Variants in DNAH5 observed in about 807,000 individuals in gnomAD.
The protein encoded by DNAH5 is axonemal beta dynein heavy chain 5.
A neutral mutation model predicts 518.2 loss-of-function variants in DNAH5; 372 were observed. The ratio of observed to expected loss-of-function variants is 0.72; its 90% CI spans 0.66 to 0.78. The LOEUF (loss-of-function observed/expected upper bound fraction) is 0.78. Among genes scored for constraint, DNAH5 ranks in the 30% least tolerant of loss-of-function variants. DNAH5 has a pLI of 0.00. For missense variants in DNAH5, 5,523 were observed against 5,687.0 expected (o/e 0.97, Z 0.93); for synonymous variants, 2,039 against 2,025.9 (o/e 1.01, Z -0.17).
rs112042950 is a variant in DNAH5, at chr5:13,961,415, G to A, written c.13-30171C>T. On this transcript the variant is annotated intron_variant, in intron 1 of 78. Transcript: ENST00000681290. The stretch of plus-strand genomic sequence containing the variant: ...TCCCAGCACTTTAGGAGGCTGAGGC[G>A]GGCAGATCGCCTGAGGTTAGGAGTT... 9.9e-3 allele frequency among the ~76,000 whole-genome samples: 1,503 copies of A among 151,898 alleles called. 28 individuals are homozygous for A. The highest frequency in any genetic ancestry group is 0.034 in the African/African-American group (1,409 of 41,496).
At chr5:13,717,617 A>G in intron 72 of DNAH5, 97 bp from the exon 73 acceptor site, 1 of 1,032,000 alleles carries the variant, frequency 9.7e-7, no homozygotes, top group South Asian at 1.4e-5. Context: ...CCCTGATATT[A>G]AAATTCACTT....
intron 34 of DNAH5, among the ~76,000 whole-genome samples, chr5:13,840,697 T>A (rs1371578039): frequency 1.3e-5 from 2 of 152,214 alleles, no homozygotes; most frequent in Non-Finnish European, 2.9e-5. Context: ...TCTAATTGCC[T>A]CAATAACATC....
At chr5:13,866,311 GA>G (rs1270358237) in intron 25 of DNAH5, 29 bp from the exon 26 acceptor site, 1 of 1,593,548 alleles carries the variant, frequency 6.3e-7, no homozygotes, top group Non-Finnish European at 8.6e-7. Context: ...AAGAAAAATA[GA>G]AGGAAGTGTT....
intron 31 of DNAH5, 36 bp from the exon 32 acceptor site, chr5:13,845,029 A>C: frequency 6.2e-7 from 1 of 1,605,558 alleles, no homozygotes; most frequent in Non-Finnish European, 8.5e-7. Flanking sequence ...CTTTATAACC[A>C]CACAAAGCTG....
In DNAH5 at chr5:13,769,094, C is replaced by T; in HGVS notation, c.9763G>A (p.Val3255Ile). ...TTCACCTTCTGTACCTCAGCCTTGA[C>T]CTTTTCAGCAGCCTGTGCTTTCATT... ...VTMKAQAAEK[V>I]KAEVQKVKDR... The change falls in exon 58 of 79, where the codon GTC becomes ATC. Residue 3255 changes from valine to isoleucine, a missense_variant. Coordinates refer to ENST00000265104, the MANE Select transcript of DNAH5 (RefSeq NM_001369.3). 6.2e-7 allele frequency: 1 copy of T among 1,614,178 alleles called. No individual in the cohort carries two copies. Among genetic ancestry groups the T allele is most frequent in the Non-Finnish European group, 8.5e-7 (1 of 1,180,022 alleles).
chr5:13,975,066 G>A (rs1228774403), intron 1 of DNAH5, among the ~76,000 whole-genome samples: 1 of 152,138 alleles, frequency 6.6e-6, no homozygotes, highest in East Asian at 1.9e-4. Flanking sequence ...GATGAACTTG[G>A]GCACTGCATT....
At chr5:13,692,663 T>C (rs1304219712) in intron 78 of DNAH5, among the ~76,000 whole-genome samples, 1 of 152,086 alleles carries the variant, frequency 6.6e-6, no homozygotes, top group African/African-American at 2.4e-5. Context: ...TGTAGAGAAA[T>C]AAAATTGCTG....
At chr5:13,866,318 G>A in intron 25 of DNAH5, 36 bp from the exon 26 acceptor site, 1 of 1,547,434 alleles carries the variant, frequency 6.5e-7, no homozygotes, top group Non-Finnish European at 8.9e-7. Context: ...ATAGAAGGAA[G>A]TGTTTGCATA....
chr5:13,796,271 C>T (rs1757803461), intron 47 of DNAH5, among the ~76,000 whole-genome samples: 1 of 152,180 alleles, frequency 6.6e-6, no homozygotes. Flanking sequence ...TCCCTGTTTG[C>T]AGATGACATG....
At chr5:13,699,736 T>C (rs1372745775) in intron 78 of DNAH5, among the ~76,000 whole-genome samples, 1 of 152,136 alleles carries the variant, frequency 6.6e-6, no homozygotes, top group Non-Finnish European at 1.5e-5. Context: ...AAATAAATAC[T>C]TGTAGTTCAT....
At chr5:13,832,365 A>T (rs1035496540) in intron 35 of DNAH5, among the ~76,000 whole-genome samples, 3 of 152,210 alleles carry the variant, frequency 2.0e-5, no homozygotes, top group African/African-American at 7.2e-5. Flanking sequence ...TCCCTGGCTC[A>T]GCTAGGTGGG....
intron 41 of DNAH5, among the ~76,000 whole-genome samples, chr5:13,817,927 G>A (rs1389353806): frequency 1.3e-5 from 2 of 151,910 alleles, no homozygotes; most frequent in Non-Finnish European, 2.9e-5. Flanking sequence ...ATTGTTTAGG[G>A]GTGAAAAAAG....
intron 30 of DNAH5, among the ~76,000 whole-genome samples, chr5:13,855,729 C>T (rs781269820): frequency 4.6e-5 from 7 of 152,058 alleles, no homozygotes; most frequent in Non-Finnish European, 7.4e-5. Flanking sequence ...ATTCTAATAT[C>T]GACCACATAA....
chr5:13,762,817 C>T lies in DNAH5; in HGVS notation c.10186G>A (p.Ala3396Thr), dbSNP rs1751970470. 3.7e-6 allele frequency: 6 copies of T among 1,613,938 alleles called. No individual in the cohort carries two copies. The highest frequency in any genetic ancestry group is 5.1e-6 in the Non-Finnish European group (6 of 1,179,898). ...FEMPDYNIET[A>T]KRVCGNVAGL... is the part of the protein sequence containing the mutation. ...GCTACATTTCCACATACGCGTTTAG[C>T]AGTTTCGATGTTATAGTCAGGCATT... The change falls in exon 60 of 79, where the codon GCT (alanine) becomes ACT (threonine). Residue 3396 changes from alanine (A) to threonine (T), a missense_variant. Transcript: ENST00000265104.
chr5:13,799,454 T>A (rs114240283), intron 47 of DNAH5, among the ~76,000 whole-genome samples: 3,535 of 152,240 alleles, frequency 0.023, 91 homozygotes, highest in Admixed American at 0.079. Context: ...TCCCCTCCAC[T>A]GTAACCCTAA....
intron 1 of DNAH5, among the ~76,000 whole-genome samples, chr5:13,984,936 A>C (rs576707968): frequency 6.6e-6 from 1 of 152,282 alleles, no homozygotes; most frequent in Non-Finnish European, 1.5e-5. Flanking sequence ...GGGTATATAC[A>C]CAAAGGAATA....
chr5:13,853,984 C>A (rs896805327), intron 30 of DNAH5, among the ~76,000 whole-genome samples: 1 of 152,154 alleles, frequency 6.6e-6, no homozygotes, highest in Admixed American at 6.5e-5. Flanking sequence ...CCCAACCAAG[C>A]AAGACAGGCC....
At chr5:13,973,970 A>C (rs188038575) in intron 1 of DNAH5, among the ~76,000 whole-genome samples, 11 of 152,248 alleles carry the variant, frequency 7.2e-5, no homozygotes, top group Admixed American at 6.5e-4. Flanking sequence ...ATTATCTAAA[A>C]ACAATTATGT....
chr5:13,701,340 A>G lies in DNAH5; in HGVS notation c.13435T>C (p.Cys4479Arg). The change falls in exon 77 of 79, where the codon TGC becomes CGC. Residue 4479 changes from cysteine (C) to arginine (R), a missense_variant. By Grantham distance (180) the Cys-to-Arg change is radical. Transcript: ENST00000265104. ...TSWVFNGRPHCFWMTGFFNPQ... is the reference protein window; with the variant it reads ...TSWVFNGRPHRFWMTGFFNPQ... The stretch of plus-strand genomic sequence containing the variant: ...TTAAAAAAACCCGTCATCCAAAAGC[A>G]GTGAGGTCGGCCATTGAAAACCCAC... 6.2e-7 allele frequency: 1 copy of G among 1,614,152 alleles called. No individual in the cohort carries two copies.
Sources: gnomAD v4.1 joint callset for allele counts (sites outside exome capture counted in the v4.1 genomes callset) on GRCh38, gnomAD v4.1.1 for gene constraint, MANE v1.5 for transcripts, NCBI Gene and HGNC (gene_info 2026-07-23, HGNC 2026-07-21) for gene names.